The following CNBD1 variants were observed in gnomAD, a reference collection of about 807,000 sequenced individuals.
CNBD1 encodes cyclic nucleotide binding domain containing 1, also known as cyclic nucleotide-binding domain-containing protein 1.
CNBD1 carries 71 observed loss-of-function variants against 54.4 expected under a neutral mutation model. The observed-to-expected ratio is 1.30, with a 90% CI of 1.08 to 1.59. The LOEUF (loss-of-function observed/expected upper bound fraction) is 1.59. Ranked by LOEUF, CNBD1 falls within the 40% of genes most tolerant of loss-of-function variation. The pLI is 0.00. For missense variants in CNBD1, 659 were observed against 518.0 expected (o/e 1.27, Z -2.64); for synonymous variants, 182 against 170.7 (o/e 1.07, Z -0.51).
intron 4 of CNBD1, among the ~76,000 whole-genome samples, chr8:87,071,378 A>G (rs913252746): frequency 5.3e-5 from 8 of 152,112 alleles, no homozygotes; most frequent in Non-Finnish European, 7.4e-5. Flanking sequence ...ATCCTTAACA[A>G]AACTCTTGAA....
chr8:86,924,391 T>C (rs985623734), intron 3 of CNBD1, among the ~76,000 whole-genome samples: 1 of 152,126 alleles, frequency 6.6e-6, no homozygotes, highest in Admixed American at 6.6e-5. Context: ...ATGAGAGTCA[T>C]CAAGATGAGG....
At chr8:87,015,745 C>G (rs1448135866) in intron 4 of CNBD1, among the ~76,000 whole-genome samples, 1 of 151,814 alleles carries the variant, frequency 6.6e-6, no homozygotes, top group African/African-American at 2.4e-5. Flanking sequence ...TTTGGGAGGC[C>G]GAGGCGGGTG....
intron 8 of CNBD1, among the ~76,000 whole-genome samples, chr8:87,341,586 T>C (rs114865194): frequency 0.024 from 3,662 of 152,286 alleles, 144 homozygotes; most frequent in African/African-American, 0.08. Context: ...AGAGGTGGAA[T>C]GTTTAAGAAG....
At chr8:87,256,312 G>A (rs1808025321) in intron 6 of CNBD1, among the ~76,000 whole-genome samples, 1 of 151,472 alleles carries the variant, frequency 6.6e-6, no homozygotes, top group East Asian at 2.0e-4. Flanking sequence ...ATGAGCCACT[G>A]TGCCTGGCCC....
At chr8:87,149,813 G>A (rs1586290931) in intron 4 of CNBD1, among the ~76,000 whole-genome samples, 2 of 152,006 alleles carry the variant, frequency 1.3e-5, no homozygotes, top group East Asian at 1.9e-4. Flanking sequence ...GCAGATTTAC[G>A]GAATAAGGAT....
chr8:87,195,389 T>G (rs1813697374), intron 4 of CNBD1, among the ~76,000 whole-genome samples: 2 of 151,316 alleles, frequency 1.3e-5, no homozygotes, highest in Non-Finnish European at 2.9e-5. Flanking sequence ...CCATCACACC[T>G]GGCTAATTTT....
chr8:86,959,051 C>A (rs976227794), intron 4 of CNBD1, among the ~76,000 whole-genome samples: 2 of 152,170 alleles, frequency 1.3e-5, no homozygotes, highest in African/African-American at 4.8e-5. Flanking sequence ...CTGGTGGTGA[C>A]AGAATCTCTC....
At position 86,929,295 on chromosome 8, in the gene CNBD1, A is replaced by T. The variant is rs977174517; in HGVS notation, c.273-10301A>T. 3.3e-5 allele frequency among the ~76,000 whole-genome samples: 5 copies of T among 152,270 alleles called. No individual in the cohort carries two copies. The East Asian group carries it at 9.7e-4, about 29-fold the overall frequency. Reference sequence around the variant, plus strand: ...CCATATTGTACCATGGGCATGTAGGATTAGAGAAGCATACTTGCTATCTGT... The same window carrying T: ...CCATATTGTACCATGGGCATGTAGGTTTAGAGAAGCATACTTGCTATCTGT... On this transcript the variant is annotated intron_variant, in intron 3 of 10. Transcript: ENST00000518476.
At chr8:87,281,572 ATATATATATATATATATATATATATATAT>A (rs1808601722) in intron 6 of CNBD1, among the ~76,000 whole-genome samples, 3 of 31,668 alleles carry the variant, frequency 9.5e-5, no homozygotes, top group East Asian at 6.2e-4. Context: ...ATATATATAT[ATATATATATATATATATATATATATATAT>A]AACTAATTTT....
chr8:87,378,779 C>G (rs1392175685), intron 10 of CNBD1, among the ~76,000 whole-genome samples: 1 of 151,116 alleles, frequency 6.6e-6, no homozygotes, highest in Non-Finnish European at 1.5e-5. Context: ...ATTCTTCCTA[C>G]CCATGAGCAT....
At chr8:86,957,364 C>T (rs1586161470) in intron 4 of CNBD1, among the ~76,000 whole-genome samples, 1 of 152,092 alleles carries the variant, frequency 6.6e-6, no homozygotes, top group East Asian at 1.9e-4. Flanking sequence ...AGGGAGGATT[C>T]CCTCTTTTTC....
chr8:87,036,639 G>A (rs58074848), intron 4 of CNBD1, among the ~76,000 whole-genome samples: 4,194 of 145,566 alleles, frequency 0.029, 214 homozygotes, highest in African/African-American at 0.098. Flanking sequence ...CAGGTGTTCC[G>A]TATAGTTTTA....
intron 2 of CNBD1, among the ~76,000 whole-genome samples, chr8:86,890,449 T>G (rs1808751548): frequency 2.0e-5 from 3 of 152,176 alleles, no homozygotes; most frequent in African/African-American, 4.8e-5. Flanking sequence ...AGTATTCCAC[T>G]GTGCATAAGT....
At chr8:87,206,238 A>T in intron 5 of CNBD1, 100 bp downstream of exon 5, 1 of 944,622 alleles carries the variant, frequency 1.1e-6, no homozygotes, top group Non-Finnish European at 1.5e-6. Flanking sequence ...TAACAATTTC[A>T]GTTGACATGG....
Position 87,326,341 on chromosome 8 carries a change from A to G in CNBD1, c.1043-25344A>G, listed in dbSNP as rs565257462. ...CGTTCTCTGTATTTCCTGAATCTGAACGTTGGCCTGCCTTGCTAGATTGGG... is the reference window on the plus strand; with the variant it reads ...CGTTCTCTGTATTTCCTGAATCTGAGCGTTGGCCTGCCTTGCTAGATTGGG... On this transcript the variant is annotated intron_variant, in intron 8 of 10. Coordinates refer to ENST00000518476, the MANE Select transcript of CNBD1 (RefSeq NM_173538.3). Among the ~76,000 whole-genome samples, 621 of 124,632 alleles carry G rather than the reference A, an allele frequency of 5.0e-3. 119 individuals carry two copies. Among genetic ancestry groups the G allele is most frequent in the Non-Finnish European group, 8.7e-3 (479 of 55,154 alleles). The allele number at this position is 124,632 out of a possible 152,430, so 81.8% of individuals were successfully genotyped here.
At chr8:86,869,096 C>T (rs552395095) in intron 1 of CNBD1, among the ~76,000 whole-genome samples, 1 of 152,294 alleles carries the variant, frequency 6.6e-6, no homozygotes, top group East Asian at 1.9e-4. Flanking sequence ...AGAAGAATTG[C>T]AGTCCTGCTG....
chr8:87,367,091 C>T (rs765923087), intron 10 of CNBD1, among the ~76,000 whole-genome samples: 1 of 151,990 alleles, frequency 6.6e-6, no homozygotes. Context: ...ACCATTGGGA[C>T]TTTATCCTGG....
chr8:87,176,336 A>G (rs1813196525), intron 4 of CNBD1, among the ~76,000 whole-genome samples: 2 of 152,204 alleles, frequency 1.3e-5, no homozygotes, highest in South Asian at 4.1e-4. Context: ...TTGAATTCAA[A>G]TAACAAACCC....
At chr8:86,985,443 A>T (rs1268939802) in intron 4 of CNBD1, among the ~76,000 whole-genome samples, 2 of 152,040 alleles carry the variant, frequency 1.3e-5, no homozygotes, top group Admixed American at 6.5e-5. Flanking sequence ...ATCCATGTAT[A>T]CTCAATGTGT....
Sources: gnomAD v4.1 joint callset for allele counts (sites outside exome capture counted in the v4.1 genomes callset) on GRCh38, gnomAD v4.1.1 for gene constraint, MANE v1.5 for transcripts, NCBI Gene and HGNC (gene_info 2026-07-23, HGNC 2026-07-21) for gene names.